The following CTNNA3 variants were observed in gnomAD, a reference collection of about 807,000 sequenced individuals.
CTNNA3 encodes catenin alpha-3.
CTNNA3 carries 76 observed loss-of-function variants against 95.7 expected under a neutral mutation model. The ratio of observed to expected loss-of-function variants is 0.79; its 90% CI spans 0.66 to 0.96. The LOEUF (loss-of-function observed/expected upper bound fraction) is 0.96. Ranked by LOEUF, CTNNA3 falls within the 40% of genes least tolerant of loss-of-function variation. CTNNA3 has a pLI of 0.00. For missense variants in CTNNA3, 1,191 were observed against 1,089.8 expected (o/e 1.09, Z -1.31); for synonymous variants, 431 against 374.4 (o/e 1.15, Z -1.74).
At chr10:65,979,937 T>C (rs1409742663) in intron 16 of CTNNA3, among the ~76,000 whole-genome samples, 1 of 151,928 alleles carries the variant, frequency 6.6e-6, no homozygotes, top group African/African-American at 2.4e-5. Flanking sequence ...GGCATCAACA[T>C]TTCTGCCAGA....
intron 3 of CTNNA3, among the ~76,000 whole-genome samples, chr10:67,557,077 C>T (rs1289043280): frequency 3.9e-5 from 6 of 152,146 alleles, no homozygotes; most frequent in Non-Finnish European, 7.3e-5. Flanking sequence ...GAGTTAGTTT[C>T]TTAATCCTGA....
At chr10:67,637,007 G>A (rs1303048235) in intron 2 of CTNNA3, among the ~76,000 whole-genome samples, 1 of 152,212 alleles carries the variant, frequency 6.6e-6, no homozygotes, top group African/African-American at 2.4e-5. Flanking sequence ...TAACAAAGCT[G>A]CATGGAGAAT....
At chr10:66,581,985 A>T (rs1403560076) in intron 10 of CTNNA3, among the ~76,000 whole-genome samples, 1 of 151,124 alleles carries the variant, frequency 6.6e-6, no homozygotes, top group East Asian at 2.0e-4. Context: ...TATTTCTGAG[A>T]TCTCTATTAT....
chr10:66,943,050 A>C (rs948612985), intron 7 of CTNNA3, among the ~76,000 whole-genome samples: 6 of 152,318 alleles, frequency 3.9e-5, no homozygotes, highest in Non-Finnish European at 8.8e-5. Flanking sequence ...AGTCACATTA[A>C]TAGGAAAAGC....
intron 5 of CTNNA3, among the ~76,000 whole-genome samples, chr10:67,406,644 G>GA (rs1488477864): frequency 1.3e-5 from 2 of 151,356 alleles, no homozygotes; most frequent in African/African-American, 4.8e-5. Flanking sequence ...CTAATTTTCT[G>GA]AAAAAAAGTT....
chr10:66,895,054 CAA>C (rs537843933), intron 7 of CTNNA3, among the ~76,000 whole-genome samples: 44 of 115,548 alleles, frequency 3.8e-4, no homozygotes, highest in African/African-American at 1.3e-3. Context: ...AACAAATAAA[CAA>C]AAAAAAAAAA....
At chr10:66,349,477 A>G (rs1339712188) in intron 12 of CTNNA3, among the ~76,000 whole-genome samples, 1 of 152,168 alleles carries the variant, frequency 6.6e-6, no homozygotes, top group Non-Finnish European at 1.5e-5. Context: ...TTAATAGGCA[A>G]CAATGATTAA....
At chr10:66,889,265 C>A (rs561260844) in intron 7 of CTNNA3, among the ~76,000 whole-genome samples, 1 of 152,242 alleles carries the variant, frequency 6.6e-6, no homozygotes, top group East Asian at 1.9e-4. Context: ...ATTCTTAGAG[C>A]AGTAACACTA....
At chr10:67,211,507 G>A (rs1278549074) in intron 6 of CTNNA3, among the ~76,000 whole-genome samples, 1 of 152,066 alleles carries the variant, frequency 6.6e-6, no homozygotes, top group Non-Finnish European at 1.5e-5. Flanking sequence ...TTTATTAGAT[G>A]CATTAAAACC....
intron 13 of CTNNA3, among the ~76,000 whole-genome samples, chr10:66,250,039 A>G (rs1376704712): frequency 6.6e-6 from 1 of 152,216 alleles, no homozygotes; most frequent in Non-Finnish European, 1.5e-5. Flanking sequence ...TGTAGTACAT[A>G]TACACAATGG....
At chr10:66,382,495 C>T (rs1376924697) in intron 11 of CTNNA3, among the ~76,000 whole-genome samples, 1 of 152,148 alleles carries the variant, frequency 6.6e-6, no homozygotes, top group Non-Finnish European at 1.5e-5. Context: ...ATCTCTTGGG[C>T]AGGGCACAGC....
chr10:66,752,624 G>A (rs549967173), intron 9 of CTNNA3, among the ~76,000 whole-genome samples: 5 of 152,056 alleles, frequency 3.3e-5, no homozygotes, highest in African/African-American at 9.6e-5. Context: ...AAGATACTCT[G>A]AAGAGATTAG....
At chr10:66,707,341 G>A (rs1848150647) in intron 9 of CTNNA3, among the ~76,000 whole-genome samples, 1 of 151,940 alleles carries the variant, frequency 6.6e-6, no homozygotes, top group Admixed American at 6.6e-5. Flanking sequence ...GGCAACGATG[G>A]CCACAGTGCA....
chr10:66,287,065 C>T (rs548424728), intron 12 of CTNNA3, among the ~76,000 whole-genome samples: 3 of 152,212 alleles, frequency 2.0e-5, no homozygotes, highest in Admixed American at 1.3e-4. Flanking sequence ...CACCCCCACA[C>T]TTGCCTCCAA....
At chr10:67,130,182 C>T (rs1859923593) in intron 7 of CTNNA3, among the ~76,000 whole-genome samples, 2 of 151,976 alleles carry the variant, frequency 1.3e-5, no homozygotes, top group Non-Finnish European at 2.9e-5. Flanking sequence ...CTCTATGAAC[C>T]TCCTTCCACT....
chr10:66,861,522 C>T (rs1843927109), intron 7 of CTNNA3, among the ~76,000 whole-genome samples: 1 of 152,056 alleles, frequency 6.6e-6, no homozygotes, highest in Admixed American at 6.6e-5. Context: ...GGGTGACACT[C>T]CAGCCATCTC....
chr10:66,045,501 A>AAATAT (rs1564600832), intron 15 of CTNNA3, among the ~76,000 whole-genome samples: 1 of 152,186 alleles, frequency 6.6e-6, no homozygotes. Flanking sequence ...TTCTATGTAG[A>AAATAT]AATATATTTA....
chr10:67,262,525 T>C (rs770016858), intron 5 of CTNNA3, among the ~76,000 whole-genome samples: 2 of 152,158 alleles, frequency 1.3e-5, no homozygotes, highest in Non-Finnish European at 2.9e-5. Flanking sequence ...CATAAGGGTA[T>C]CCTACAAAGG....
At chr10:66,118,603 T>C (rs889644582) in intron 13 of CTNNA3, among the ~76,000 whole-genome samples, 1 of 152,350 alleles carries the variant, frequency 6.6e-6, no homozygotes, top group Admixed American at 6.5e-5. Context: ...TAATTTAGTA[T>C]GTCAACAATG....
Sources: allele counts gnomAD v4.1 joint callset (sites outside exome capture counted in the v4.1 genomes callset), GRCh38; gene constraint gnomAD v4.1.1; transcripts MANE v1.5; gene names NCBI Gene and HGNC (gene_info 2026-07-23, HGNC 2026-07-21).